The following MCF2L variants were observed in gnomAD, a reference collection of about 807,000 sequenced individuals.
The protein encoded by MCF2L is MCF.2 cell line derived transforming sequence like, also known as guanine nucleotide exchange factor DBS.
In MCF2L, 97 loss-of-function variants were observed where a neutral mutation model predicts 153.4. The observed-to-expected ratio is 0.63, with a 90% CI of 0.54 to 0.75. The LOEUF is 0.75. Ranked by LOEUF, MCF2L falls within the 30% of genes least tolerant of loss-of-function variation. The pLI, the probability that MCF2L is intolerant of heterozygous loss-of-function variation, is 0.00. For synonymous variants in MCF2L, 659 were observed against 632.2 expected (o/e 1.04, Z -0.64); for missense variants, 1,347 against 1,495.2 (o/e 0.90, Z 1.64).
At chr13:113,094,691 G>T in intron 27 of MCF2L, 56 bp downstream of exon 27, 1 of 1,564,924 alleles carries the variant, frequency 6.4e-7, no homozygotes, top group South Asian at 1.2e-5. Flanking sequence ...CGGGGATTAG[G>T]GGTGCTTCTG....
At chr13:112,969,141 C>A (rs1255701467), upstream of MCF2L, 3 of 310,460 alleles carry the variant, frequency 9.7e-6, no homozygotes, top group Non-Finnish European at 1.6e-5. This position sits in a 1 kb window ranked among gnomAD's most constrained non-coding sequence, Gnocchi z 4.8. Flanking sequence ...CCGGGGCGGG[C>A]GCGCGCCGCT....
intron 2 of MCF2L, among the ~76,000 whole-genome samples, chr13:112,921,162 G>A (rs1248141820): frequency 6.6e-6 from 1 of 152,080 alleles, no homozygotes; most frequent in Non-Finnish European, 1.5e-5. Flanking sequence ...GAGCGACAGA[G>A]CAAGACTCCG....
At chr13:112,997,107 G>A (rs767218249) in intron 1 of MCF2L, among the ~76,000 whole-genome samples, 30 of 152,344 alleles carry the variant, frequency 2.0e-4, no homozygotes, top group Non-Finnish European at 3.4e-4. Context: ...AGATCATCTC[G>A]TCCTCACGTC....
intron 4 of MCF2L, among the ~76,000 whole-genome samples, chr13:113,051,001 G>A (rs747037697): frequency 3.3e-5 from 5 of 152,040 alleles, no homozygotes; most frequent in African/African-American, 9.7e-5. Flanking sequence ...ACTGAAATGC[G>A]CGCTGCATAA....
At chr13:113,050,291 T>A (rs2087148385) in intron 4 of MCF2L, among the ~76,000 whole-genome samples, 3 of 151,122 alleles carry the variant, frequency 2.0e-5, no homozygotes, top group South Asian at 4.2e-4. Flanking sequence ...AGTGTGAGAG[T>A]GTGTGTGTGT....
At chr13:112,955,949 C>T (rs2081751921) in intron 2 of MCF2L, 1 of 152,208 alleles carries the variant, frequency 6.6e-6, no homozygotes, top group Non-Finnish European at 1.5e-5. Context: ...AGGCATTCTT[C>T]CCTCTGGCTT....
At chr13:112,903,493 A>G (rs2081139418) in intron 2 of MCF2L, among the ~76,000 whole-genome samples, 1 of 152,136 alleles carries the variant, frequency 6.6e-6, no homozygotes, top group Non-Finnish European at 1.5e-5. Context: ...GCTGCTGTAG[A>G]AAGAGATTCC....
At chr13:112,908,163 A>G (rs2993324) in intron 2 of MCF2L, among the ~76,000 whole-genome samples, 125,642 of 152,098 alleles carry the variant, frequency 0.83, 52,182 homozygotes, top group East Asian at 0.91. Context: ...GCTCGTGTCC[A>G]ATGCCAAGGG....
chr13:113,005,933 G>A (rs540596082), intron 1 of MCF2L, among the ~76,000 whole-genome samples: 7 of 152,322 alleles, frequency 4.6e-5, no homozygotes, highest in South Asian at 2.1e-4. Context: ...CAAGGGCTCC[G>A]TTCACAACAC....
intron 4 of MCF2L, among the ~76,000 whole-genome samples, chr13:113,051,885 TAATCCGAG>T (rs552143009): frequency 7.6e-4 from 116 of 152,220 alleles, no homozygotes; most frequent in African/African-American, 2.8e-3. Flanking sequence ...GACAGCCCGT[TAATCCGAG>T]AATCCGTGAA....
At chr13:113,011,256 A>T (rs971941650) in intron 1 of MCF2L, among the ~76,000 whole-genome samples, 4 of 152,246 alleles carry the variant, frequency 2.6e-5, no homozygotes, top group Admixed American at 2.6e-4. Flanking sequence ...ATGAGGGCTT[A>T]GCTGTGTGCA....
chr13:112,930,283 T>A (rs570309087), intron 2 of MCF2L, among the ~76,000 whole-genome samples: 1 of 152,340 alleles, frequency 6.6e-6, no homozygotes, highest in South Asian at 2.1e-4. Flanking sequence ...CACTAAAACC[T>A]GGAAGCAACC....
At chr13:112,952,849 G>T (rs575785817) in intron 2 of MCF2L, among the ~76,000 whole-genome samples, 1 of 152,234 alleles carries the variant, frequency 6.6e-6, no homozygotes, top group South Asian at 2.1e-4. Flanking sequence ...TGGTCCCAGG[G>T]TGTCCATTGT....
chr13:113,045,766 C>T lies in MCF2L; in HGVS notation c.369+405C>T, dbSNP rs575823549. Reference sequence around the variant, plus strand: ...GAACGAGCCACCACCGCCTCCCTTCCCCAGTGGGATTGAACATGCACTTCC... The same window carrying T: ...GAACGAGCCACCACCGCCTCCCTTCTCCAGTGGGATTGAACATGCACTTCC... On this transcript the variant is annotated intron_variant, in intron 4 of 29. Transcript: ENST00000535094. This position sits in a 1 kb window ranked among gnomAD's most constrained non-coding sequence, Gnocchi z 4.2. 4 of 243,642 alleles carry T rather than the reference C, an allele frequency of 1.6e-5. No homozygotes were observed. The highest frequency in any genetic ancestry group is 3.3e-5 in the Non-Finnish European group (4 of 121,626). The allele number at this position is 243,642 out of a possible 1,614,324, so 15.1% of individuals were successfully genotyped here. A position where few individuals can be genotyped will look rare whatever the true frequency, so the allele number is the denominator to read the frequency against.
intron 1 of MCF2L, among the ~76,000 whole-genome samples, chr13:113,005,176 C>T (rs368327613): frequency 2.0e-4 from 30 of 152,300 alleles, no homozygotes; most frequent in Non-Finnish European, 3.8e-4. Context: ...GCCTGTCATT[C>T]GAGACAGCAC....
chr13:113,031,088 CAGAGACAGAGACAGAG>C lies in MCF2L; in HGVS notation c.278+6349_278+6364del, dbSNP rs1378722228. 8.3e-5 allele frequency among the ~76,000 whole-genome samples: 11 copies of C among 132,398 alleles called. No homozygotes were observed. Among genetic ancestry groups the C allele is most frequent in the Admixed American group, 5.2e-4 (7 of 13,390 alleles). 86.9% of individuals were successfully genotyped at this position (132,398 alleles called of 152,430 possible). A position where few individuals can be genotyped will look rare whatever the true frequency, so the allele number is the denominator to read the frequency against. ...AGAGACAGAGACAGACAGATACAGACAGAGACAGAGACAGAGAGAGACAGAGACAGAGAGTGACAGA... is the reference window on the plus strand; with the variant it reads ...AGAGACAGAGACAGACAGATACAGACAGAGACAGAGACAGAGAGTGACAGA... On this transcript the variant is annotated intron_variant, in intron 3 of 29. Coordinates refer to ENST00000535094, the MANE Select transcript of MCF2L (RefSeq NM_001112732.3). The surrounding 1 kb of genome is among the most constrained non-coding windows in gnomAD (Gnocchi z 5.5).
intron 2 of MCF2L, among the ~76,000 whole-genome samples, chr13:112,953,470 A>G (rs540374419): frequency 6.6e-6 from 1 of 152,342 alleles, no homozygotes; most frequent in East Asian, 1.9e-4. Context: ...GCTAACCGGT[A>G]TGCACGGAGC....
intron 2 of MCF2L, chr13:112,957,135 G>A (rs1396235614): frequency 6.6e-6 from 1 of 151,744 alleles, no homozygotes; most frequent in African/African-American, 2.4e-5. Context: ...ACGTGACCCT[G>A]GAGAGCTCTA....
chr13:113,060,728 C>T lies in MCF2L; in HGVS notation c.489+16C>T. The T allele has an allele frequency of 1.9e-6, 3 of 1,611,414 alleles. No homozygotes were observed. On this transcript the variant is annotated intron_variant, in intron 5 of 29. Transcript: ENST00000535094. The stretch of plus-strand genomic sequence containing the variant: ...GAAGGTGCCGGTAAGTGCGCCCCGC[C>T]TCCATCCTGCGGTAGCAGAACGGAA...
Sources: allele counts gnomAD v4.1 joint callset (sites outside exome capture counted in the v4.1 genomes callset), GRCh38; gene constraint gnomAD v4.1.1; non-coding constraint Gnocchi (gnomAD v3.1); transcripts MANE v1.5; gene names NCBI Gene and HGNC (gene_info 2026-07-23, HGNC 2026-07-21).